The following CCDC192 variants were observed in gnomAD, a reference collection of about 807,000 sequenced individuals.
CCDC192 encodes the protein coiled-coil domain-containing protein 192.
At chr5:127,745,297 G>T (rs1433249490) in intron 2 of CCDC192, among the ~76,000 whole-genome samples, 1 of 152,172 alleles carries the variant, frequency 6.6e-6, no homozygotes, top group African/African-American at 2.4e-5. Flanking sequence ...TAATGAGAAG[G>T]TACTGGAATA....
At chr5:127,938,121 G>C (rs17164494) in intron 6 of CCDC192, among the ~76,000 whole-genome samples, 6,169 of 151,812 alleles carry the variant, frequency 0.041, 397 homozygotes, top group African/African-American at 0.14. Flanking sequence ...AACTCACTTC[G>C]ACCCACCTGA....
At chr5:127,767,007 A>G (rs1237971040) in intron 3 of CCDC192, among the ~76,000 whole-genome samples, 3 of 152,192 alleles carry the variant, frequency 2.0e-5, no homozygotes, top group Non-Finnish European at 4.4e-5. Flanking sequence ...GCCTAAACCC[A>G]TCAAAGAGAC....
At chr5:127,854,019 A>C (rs1367630111) in intron 5 of CCDC192, among the ~76,000 whole-genome samples, 2 of 152,056 alleles carry the variant, frequency 1.3e-5, no homozygotes, top group Non-Finnish European at 2.9e-5. Flanking sequence ...AAACCATTTA[A>C]ATCTTTATTG....
intron 5 of CCDC192, among the ~76,000 whole-genome samples, chr5:127,844,657 G>T (rs1750447640): frequency 6.6e-6 from 1 of 152,196 alleles, no homozygotes; most frequent in African/African-American, 2.4e-5. Context: ...CTGTGTGGCG[G>T]ATGAGTGAGA....
Position 127,720,621 on chromosome 5 carries a change from A to G in CCDC192, c.114+12861A>G, listed in dbSNP as rs546559344. On this transcript the variant is annotated intron_variant, in intron 2 of 6. Transcript: ENST00000514853. ...CTCTGTATGTAGGCTCCAACCCTAT[A>G]TTTCTCCTCCACACTGCCCTAGTAG... Among the ~76,000 whole-genome samples the G allele has an allele frequency of 2.6e-4, 39 of 152,198 alleles. No homozygotes were observed. In the South Asian group the frequency reaches 7.5e-3, roughly 29 times the overall value.
At chr5:127,849,210 C>T (rs1160692760) in intron 5 of CCDC192, among the ~76,000 whole-genome samples, 1 of 151,934 alleles carries the variant, frequency 6.6e-6, no homozygotes, top group Non-Finnish European at 1.5e-5. Flanking sequence ...CCAGCCTAGG[C>T]GAAAGAGTGA....
intron 6 of CCDC192, among the ~76,000 whole-genome samples, chr5:127,896,648 G>T (rs905118636): frequency 6.6e-6 from 1 of 152,068 alleles, no homozygotes; most frequent in African/African-American, 2.4e-5. Context: ...ATTTCTCCAT[G>T]TTGGTCAGGC....
At chr5:127,789,814 G>A (rs1214312062) in intron 3 of CCDC192, among the ~76,000 whole-genome samples, 1 of 152,206 alleles carries the variant, frequency 6.6e-6, no homozygotes, top group African/African-American at 2.4e-5. Flanking sequence ...GAGATTATCA[G>A]GGACATCATC....
intron 5 of CCDC192, among the ~76,000 whole-genome samples, chr5:127,805,302 A>G (rs1333507663): frequency 6.6e-6 from 1 of 152,204 alleles, no homozygotes; most frequent in African/African-American, 2.4e-5. Context: ...AGCAGAAGAA[A>G]GTGAGAGTCA....
intron 5 of CCDC192, among the ~76,000 whole-genome samples, chr5:127,873,921 C>T (rs1231591654): frequency 2.6e-5 from 4 of 152,100 alleles, no homozygotes; most frequent in Non-Finnish European, 5.9e-5. Context: ...TGTCAAATAC[C>T]CAGACATATT....
intron 6 of CCDC192, among the ~76,000 whole-genome samples, chr5:127,930,087 C>G (rs1441778202): frequency 6.6e-6 from 1 of 152,300 alleles, no homozygotes; most frequent in South Asian, 2.1e-4. Context: ...CCCATAATCC[C>G]AGCTACTCTG....
At chr5:127,773,576 G>T (rs1440694232) in intron 3 of CCDC192, among the ~76,000 whole-genome samples, 1 of 152,132 alleles carries the variant, frequency 6.6e-6, no homozygotes, top group Non-Finnish European at 1.5e-5. Flanking sequence ...AAATGTTTTT[G>T]AAGTTTATCC....
chr5:127,841,551 A>G (rs942582122), intron 5 of CCDC192, among the ~76,000 whole-genome samples: 1 of 152,136 alleles, frequency 6.6e-6, no homozygotes, highest in Admixed American at 6.6e-5. Flanking sequence ...TGAATACTAG[A>G]ATGAAAGAGG....
chr5:127,782,795 GTTTCAA>G (rs1756311967), intron 3 of CCDC192, among the ~76,000 whole-genome samples: 2 of 151,636 alleles, frequency 1.3e-5, no homozygotes, highest in Admixed American at 6.6e-5. Flanking sequence ...TTTTTTGTTT[GTTTCAA>G]TTTCATTTAG....
At chr5:127,719,580 T>TATATATATAC (rs1275936475) in intron 2 of CCDC192, among the ~76,000 whole-genome samples, 2 of 132,616 alleles carry the variant, frequency 1.5e-5, no homozygotes, top group African/African-American at 6.5e-5. Context: ...TATATATATA[T>TATATATATAC]ACCAAGCAGT....
intron 5 of CCDC192, among the ~76,000 whole-genome samples, chr5:127,839,206 GAAAC>G (rs1750166000): frequency 6.6e-6 from 1 of 152,274 alleles, no homozygotes; most frequent in Admixed American, 6.5e-5. Flanking sequence ...TGAAAAACTG[GAAAC>G]AAACTAAGTG....
At chr5:127,847,844 A>AATAAATAT (rs1554080656) in intron 5 of CCDC192, among the ~76,000 whole-genome samples, 1 of 151,084 alleles carries the variant, frequency 6.6e-6, no homozygotes, top group East Asian at 1.9e-4. Context: ...TAAATAAATA[A>AATAAATAT]ATAAATAAAT....
chr5:127,871,191 T>A (rs1751845722), intron 5 of CCDC192, among the ~76,000 whole-genome samples: 1 of 152,212 alleles, frequency 6.6e-6, no homozygotes, highest in Admixed American at 6.5e-5. Context: ...GGCAGGAGAT[T>A]GAATCAAGGC....
intron 5 of CCDC192, among the ~76,000 whole-genome samples, chr5:127,834,560 A>C (rs1413909734): frequency 1.3e-5 from 2 of 152,220 alleles, no homozygotes; most frequent in Non-Finnish European, 2.9e-5. Flanking sequence ...GAAGACATAC[A>C]AATGTGTTTT....
Sources: gnomAD v4.1 joint callset for allele counts (sites outside exome capture counted in the v4.1 genomes callset) on GRCh38, gnomAD v4.1.1 for gene constraint, MANE v1.5 for transcripts, NCBI Gene and HGNC (gene_info 2026-07-23, HGNC 2026-07-21) for gene names.